The following MELK variants were observed in gnomAD, a reference collection of about 807,000 sequenced individuals.
MELK encodes maternal embryonic leucine zipper kinase, also known as pEg3 kinase.
Under a neutral mutation model 85.0 loss-of-function variants are expected in MELK, and 81 were observed. The observed-to-expected ratio is 0.95, with a 90% CI of 0.80 to 1.15. The LOEUF (loss-of-function observed/expected upper bound fraction) is 1.15. Among genes scored for constraint, MELK ranks in the 50% most tolerant of loss-of-function variants. MELK has a pLI of 0.00. For missense variants in MELK, 754 were observed against 777.5 expected (o/e 0.97, Z 0.36); for synonymous variants, 252 against 265.0 (o/e 0.95, Z 0.48).
In MELK at chr9:36,677,265, G is replaced by GCAGC; in HGVS notation, c.1885_1888dup (p.Arg630ProfsTer4). On this transcript the variant is annotated frameshift_variant, in exon 18 of 18. Transcript: ENST00000298048. LOFTEE classifies it high-confidence loss of function. ...AACCCGATGTGGTGGGTATCAGGAG[G>GCAGC]CAGCGGCTTAAGGGCGATGCCTGGG... 1 of 1,614,114 alleles carries GCAGC rather than the reference G, an allele frequency of 6.2e-7. No homozygotes were observed. The highest frequency in any genetic ancestry group is 8.5e-7 in the Non-Finnish European group (1 of 1,179,984).
At chr9:36,603,645 G>T (rs188346134) in intron 7 of MELK, among the ~76,000 whole-genome samples, 1 of 152,140 alleles carries the variant, frequency 6.6e-6, no homozygotes, top group Non-Finnish European at 1.5e-5. Flanking sequence ...TGTTTCTGGG[G>T]CTGGTCTTGA....
intron 11 of MELK, among the ~76,000 whole-genome samples, chr9:36,649,261 C>T (rs1407445344): frequency 6.6e-6 from 1 of 151,638 alleles, no homozygotes; most frequent in African/African-American, 2.4e-5. Context: ...CCAGCGCGGG[C>T]AGATCATGAG....
chr9:36,663,340 A>T (rs1449363330), intron 13 of MELK, among the ~76,000 whole-genome samples: 2 of 152,136 alleles, frequency 1.3e-5, no homozygotes, highest in African/African-American at 4.8e-5. Flanking sequence ...TTGGCCTCCC[A>T]AAGTGCTGGG....
rs567091195 is a variant in MELK at position 36,635,229 on chromosome 9, T to G, written c.834+2029T>G. On this transcript the variant is annotated intron_variant, in intron 10 of 17. Coordinates refer to ENST00000298048, the MANE Select transcript of MELK (RefSeq NM_014791.4). ...TACAGTTTGGTGCCACTGCATTGAT[T>G]CATACTAAGGTGCCAGCAATTTATT... Among the ~76,000 whole-genome samples, 136 of 152,280 alleles carry G rather than the reference T, an allele frequency of 8.9e-4. 1 individual carries two copies. Among genetic ancestry groups the G allele is most frequent in the East Asian group, 1.9e-3 (10 of 5,190 alleles).
intron 10 of MELK, among the ~76,000 whole-genome samples, chr9:36,636,786 G>GTCTGTCTGTCTGTCTGTCTTTCTTTCTT (rs1564191111): frequency 2.0e-5 from 1 of 50,646 alleles, no homozygotes; most frequent in East Asian, 7.0e-4. Flanking sequence ...CTTTCTTTCT[G>GTCTGTCTGTCTGTCTGTCTTTCTTTCTT]TCTGTCTTTC....
intron 8 of MELK, among the ~76,000 whole-genome samples, chr9:36,627,401 A>G (rs1033841541): frequency 6.6e-6 from 1 of 152,204 alleles, no homozygotes; most frequent in East Asian, 1.9e-4. Context: ...GGACTGACCT[A>G]CAAGTGTTTC....
chr9:36,590,163 GC>G (rs1260340844), intron 4 of MELK, among the ~76,000 whole-genome samples: 1 of 152,018 alleles, frequency 6.6e-6, no homozygotes, highest in Non-Finnish European at 1.5e-5. Flanking sequence ...CTTGTGATCT[GC>G]CCTCCTCGGC....
chr9:36,594,810 G>A (rs374342434), intron 5 of MELK, 39 bp downstream of exon 5: 16 of 1,576,258 alleles, frequency 1.0e-5, no homozygotes, highest in South Asian at 3.6e-5. Flanking sequence ...CACCTTCAGC[G>A]TCATTTACCT....
intron 8 of MELK, 91 bp from the exon 9 acceptor site, chr9:36,630,208 G>T: frequency 1.1e-6 from 1 of 945,974 alleles, no homozygotes. Context: ...AAGTCTTCAA[G>T]CTTAAAAGTA....
intron 13 of MELK, among the ~76,000 whole-genome samples, chr9:36,660,762 C>T (rs988728705): frequency 2.0e-5 from 3 of 151,786 alleles, no homozygotes; most frequent in Non-Finnish European, 2.9e-5. Flanking sequence ...GGGGCTGAGG[C>T]GGGTGGATCA....
intron 8 of MELK, among the ~76,000 whole-genome samples, chr9:36,614,724 G>A (rs1254118382): frequency 2.6e-5 from 3 of 117,538 alleles, no homozygotes; most frequent in Non-Finnish European, 5.1e-5. Flanking sequence ...AGTGGACACA[G>A]CACATGTTTC....
chr9:36,639,513 T>C (rs1829546946), intron 10 of MELK, among the ~76,000 whole-genome samples: 1 of 152,246 alleles, frequency 6.6e-6, no homozygotes, highest in Admixed American at 6.5e-5. Context: ...ATAGTCAGTT[T>C]CATTTTCTGC....
At chr9:36,642,897 A>G (rs1487469380) in intron 10 of MELK, 100 bp from the exon 11 acceptor site, 2 of 772,792 alleles carry the variant, frequency 2.6e-6, no homozygotes, top group African/African-American at 3.6e-5. Context: ...TTACATAATG[A>G]TATTTGATTG....
intron 8 of MELK, among the ~76,000 whole-genome samples, chr9:36,626,300 CACAA>C (rs908224347): frequency 6.6e-6 from 1 of 152,086 alleles, no homozygotes; most frequent in African/African-American, 2.4e-5. Flanking sequence ...CTGAAGAAAG[CACAA>C]ACAATTTCTT....
chr9:36,660,143 G>A (rs1329048824), intron 13 of MELK, among the ~76,000 whole-genome samples: 1 of 152,074 alleles, frequency 6.6e-6, no homozygotes, highest in Non-Finnish European at 1.5e-5. Context: ...CTGGGTATGA[G>A]CACATCCTAT....
intron 10 of MELK, among the ~76,000 whole-genome samples, chr9:36,635,498 A>T (rs1240708254): frequency 2.0e-5 from 3 of 151,770 alleles, no homozygotes; most frequent in African/African-American, 7.3e-5. Flanking sequence ...TCCTGACCTC[A>T]GGTGGTCCGC....
intron 1 of MELK, among the ~76,000 whole-genome samples, chr9:36,578,845 G>A (rs1484089076): frequency 6.6e-6 from 1 of 151,864 alleles, no homozygotes; most frequent in East Asian, 1.9e-4. Context: ...AATAATAATA[G>A]TAATTATTAT....
At chr9:36,670,856 C>T (rs1467513374) in intron 15 of MELK, 142 bp from the exon 16 acceptor site, 5 of 838,418 alleles carry the variant, frequency 6.0e-6, no homozygotes, top group Non-Finnish European at 1.7e-6. Flanking sequence ...TTGGTGCTTC[C>T]TGAGGAAGAG....
At chr9:36,645,497 A>C (rs180745528) in intron 11 of MELK, among the ~76,000 whole-genome samples, 9 of 152,120 alleles carry the variant, frequency 5.9e-5, no homozygotes, top group African/African-American at 2.2e-4. Flanking sequence ...AGCATGACCA[A>C]CATCAAGAAT....
Sources: gnomAD v4.1 joint callset for allele counts (sites outside exome capture counted in the v4.1 genomes callset) on GRCh38, gnomAD v4.1.1 for gene constraint, MANE v1.5 for transcripts, NCBI Gene and HGNC (gene_info 2026-07-23, HGNC 2026-07-21) for gene names.